FZD6: variants seen among roughly 807,000 people sequenced by gnomAD.
The protein encoded by FZD6 is frizzled-6.
In FZD6, 49 loss-of-function variants were observed where a neutral mutation model predicts 61.4. The observed-to-expected ratio is 0.80, with a 90% confidence interval of 0.63 to 1.01. The LOEUF is 1.01. FZD6 is among the 50% of genes least tolerant of loss of function. The pLI, the probability that FZD6 is intolerant of heterozygous loss-of-function variation, is 0.00. For synonymous variants in FZD6, 265 were observed against 292.2 expected (o/e 0.91, Z 0.95); for missense variants, 724 against 848.2 (o/e 0.85, Z 1.82).
At chr8:103,311,074 C>T (rs1014063227) in intron 2 of FZD6, among the ~76,000 whole-genome samples, 3 of 151,986 alleles carry the variant, frequency 2.0e-5, no homozygotes, top group African/African-American at 4.8e-5. Flanking sequence ...GCAGGAGAAC[C>T]GGGTTCAAAA....
intron 2 of FZD6, among the ~76,000 whole-genome samples, chr8:103,312,799 T>G (rs1483005254): frequency 6.6e-6 from 1 of 152,238 alleles, no homozygotes; most frequent in Non-Finnish European, 1.5e-5. Context: ...GATGGAATAC[T>G]TGCTCTTGCT....
Position 103,331,692 on chromosome 8 carries a change from A to G in FZD6, c.*183A>G, listed in dbSNP as rs1815139510. 1.8e-6 allele frequency: 1 copy of G among 545,360 alleles called. No individual in the cohort carries two copies. The highest frequency in any genetic ancestry group is 3.2e-6 in the Non-Finnish European group (1 of 315,886). The allele number at this position is 545,360 out of a possible 1,614,324, so 33.8% of individuals were successfully genotyped here. A position where few individuals can be genotyped will look rare whatever the true frequency, so the allele number is the denominator to read the frequency against. The stretch of plus-strand genomic sequence containing the variant: ...TCATTTCACACAAAGGTTAATGACA[A>G]CAATATACCTGAAAACAGAAAATGT... On this transcript the variant is annotated 3_prime_UTR_variant, in exon 7 of 7. Coordinates refer to ENST00000358755, the MANE Select transcript of FZD6 (RefSeq NM_003506.4).
chr8:103,299,737 C>T (rs983456505), intron 1 of FZD6, among the ~76,000 whole-genome samples: 1 of 152,214 alleles, frequency 6.6e-6, no homozygotes, highest in African/African-American at 2.4e-5. Flanking sequence ...GTCTTCCATA[C>T]AGCACCAACC....
intron 2 of FZD6, chr8:103,307,787 A>G (rs753087417): frequency 3.1e-5 from 14 of 455,832 alleles, no homozygotes; most frequent in Middle Eastern, 3.3e-4. Flanking sequence ...GGAATTGATT[A>G]TAAGAGTAGC....
At chr8:103,330,128 A>T in intron 6 of FZD6, 63 bp downstream of exon 6, 1 of 1,374,908 alleles carries the variant, frequency 7.3e-7, no homozygotes, top group Non-Finnish European at 1.0e-6. Context: ...ATTTTTTATT[A>T]AAGCATAACA....
chr8:103,318,342 A>T lies in FZD6; in HGVS notation c.178-248A>T, dbSNP rs185789569. ...TCAGAATTTACCATCAGATTTGACAATGTGGAGTTTGTTGGTGACTCTGGC... is the reference window on the plus strand; with the variant it reads ...TCAGAATTTACCATCAGATTTGACATTGTGGAGTTTGTTGGTGACTCTGGC... On this transcript the variant is annotated intron_variant, in intron 2 of 6. Coordinates refer to ENST00000358755, the MANE Select transcript of FZD6 (RefSeq NM_003506.4). Among the ~76,000 whole-genome samples the T allele has an allele frequency of 2.0e-5, 3 of 152,304 alleles. No individual in the cohort carries two copies. The East Asian group carries it at 5.8e-4, about 29-fold the overall frequency.
rs1815133406 is a variant in FZD6, at chr8:103,331,520, C to T, written c.*11C>T. The T allele has an allele frequency of 6.3e-7, 1 of 1,589,914 alleles. No homozygotes were observed. Among genetic ancestry groups the T allele is most frequent in the African/African-American group, 1.3e-5 (1 of 74,520 alleles). The stretch of plus-strand genomic sequence containing the variant: ...CATTCAGATACTTGAAGAACATTTT[C>T]TCTCGTTACTCAGAAGCAAATTTGT... On this transcript the variant is annotated 3_prime_UTR_variant, in exon 7 of 7. Transcript: ENST00000358755.
chr8:103,328,305 T>A lies in FZD6; in HGVS notation c.1430T>A (p.Met477Lys), dbSNP rs768721252. The A allele has an allele frequency of 2.2e-5, 36 of 1,611,642 alleles. No homozygotes were observed. Among genetic ancestry groups the A allele is most frequent in the Non-Finnish European group, 3.0e-5 (35 of 1,177,782 alleles). ...AKARPELALF[M>K]IKYLMTLIVG... ...GCTCGACCAGAATTGGCTTTATTTA[T>A]GATAAAATACCTGATGACATTAATT... Residue 477 changes from methionine to lysine, a missense_variant, in exon 5 of 7, where the codon ATG (methionine) becomes AAG (lysine). Coordinates refer to ENST00000358755, the MANE Select transcript of FZD6 (RefSeq NM_003506.4).
intron 2 of FZD6, among the ~76,000 whole-genome samples, chr8:103,315,840 AC>A (rs1814611351): frequency 6.6e-6 from 1 of 152,114 alleles, no homozygotes; most frequent in Non-Finnish European, 1.5e-5. Flanking sequence ...GTCCTTGCCC[AC>A]CCTTTTCCAC....
Position 103,329,827 on chromosome 8 carries a change from G to A in FZD6, c.1714G>A (p.Ala572Thr), listed in dbSNP as rs1259349680. Residue 572 changes from alanine (A) to threonine (T), a missense_variant, in exon 6 of 7, where the codon GCA becomes ACA. Transcript: ENST00000358755. ...TGATANHGTS[A>T]VAITSHDYLG... is the part of the protein sequence containing the mutation. ...AGCTACAGCAAATCATGGCACTTCT[G>A]CAGTAGCAATTACTAGCCATGATTA... The A allele has an allele frequency of 6.2e-7, 1 of 1,613,918 alleles. No homozygotes were observed. The highest frequency in any genetic ancestry group is 2.2e-5 in the East Asian group (1 of 44,884).
chr8:103,323,406 A>G (rs1814850192), intron 3 of FZD6, among the ~76,000 whole-genome samples: 1 of 150,866 alleles, frequency 6.6e-6, no homozygotes, highest in South Asian at 2.1e-4. Context: ...TATATTTAAA[A>G]TGCTTTCTCA....
At chr8:103,308,241 TG>T (rs1276884256) in intron 2 of FZD6, among the ~76,000 whole-genome samples, 1 of 152,184 alleles carries the variant, frequency 6.6e-6, no homozygotes, top group African/African-American at 2.4e-5. Context: ...TCCTCTGTCT[TG>T]GGGCCTTTGG....
chr8:103,307,884 T>C (rs1026730520), intron 2 of FZD6: 7 of 455,966 alleles, frequency 1.5e-5, no homozygotes, highest in Non-Finnish European at 3.1e-5. Context: ...GGCACAGGTA[T>C]GGTCTACTTG....
chr8:103,299,605 A>G (rs1446504438), intron 1 of FZD6, among the ~76,000 whole-genome samples: 2 of 152,194 alleles, frequency 1.3e-5, no homozygotes, highest in Non-Finnish European at 2.9e-5. Flanking sequence ...CTTGTACTTA[A>G]TAAGCTTTCC....
In FZD6 at chr8:103,329,809, G is replaced by C; in HGVS notation, c.1696G>C (p.Ala566Pro). 1 of 1,614,186 alleles carries C rather than the reference G, an allele frequency of 6.2e-7. No homozygotes were observed. The highest frequency in any genetic ancestry group is 8.5e-7 in the Non-Finnish European group (1 of 1,180,008). ...CATGGGAACCAGCACAGGAGCTACAGCAAATCATGGCACTTCTGCAGTAGC... is the reference window on the plus strand; with the variant it reads ...CATGGGAACCAGCACAGGAGCTACACCAAATCATGGCACTTCTGCAGTAGC... ...KSMGTSTGAT[A>P]NHGTSAVAIT... Residue 566 changes from alanine (A) to proline (P), a missense_variant, in exon 6 of 7, where the codon GCA becomes CCA. Coordinates refer to ENST00000358755, the MANE Select transcript of FZD6 (RefSeq NM_003506.4).
Position 103,331,593 on chromosome 8 carries a change from C to CGT in FZD6, c.*84_*85insGT. 1 of 964,244 alleles carries CGT rather than the reference C, an allele frequency of 1.0e-6. No individual in the cohort carries two copies. Among genetic ancestry groups the CGT allele is most frequent in the Non-Finnish European group, 1.7e-6 (1 of 605,884 alleles). 59.7% of individuals were successfully genotyped at this position (964,244 alleles called of 1,614,324 possible). On this transcript the variant is annotated 3_prime_UTR_variant, in exon 7 of 7. Coordinates refer to ENST00000358755, the MANE Select transcript of FZD6 (RefSeq NM_003506.4). ...CACTGTTTTGTAAGAATCACTGTTA[C>CGT]ATTCTTCTTTTGCACTTAAAGTTGC... is the stretch of plus-strand genomic sequence containing the variant.
At chr8:103,302,229 G>GT (rs1814192591) in intron 2 of FZD6, among the ~76,000 whole-genome samples, 1 of 151,958 alleles carries the variant, frequency 6.6e-6, no homozygotes, top group Non-Finnish European at 1.5e-5. Flanking sequence ...ATACTATTGT[G>GT]TTTTTCCTAC....
At chr8:103,315,854 A>G (rs1019091899) in intron 2 of FZD6, among the ~76,000 whole-genome samples, 1 of 152,212 alleles carries the variant, frequency 6.6e-6, no homozygotes, top group Non-Finnish European at 1.5e-5. Flanking sequence ...TTTTCCACCC[A>G]TATCCCAGTC....
intron 2 of FZD6, among the ~76,000 whole-genome samples, chr8:103,310,884 T>C (rs931551452): frequency 6.6e-6 from 1 of 152,226 alleles, no homozygotes; most frequent in Admixed American, 6.5e-5. Context: ...CTCACTGCCT[T>C]TGGCCTTAGA....
Sources: gnomAD v4.1 joint callset for allele counts (sites outside exome capture counted in the v4.1 genomes callset) on GRCh38, gnomAD v4.1.1 for gene constraint, MANE v1.5 for transcripts, NCBI Gene and HGNC (gene_info 2026-07-23, HGNC 2026-07-21) for gene names.